Variants in TOR1AIP1 observed in about 807,000 individuals in gnomAD.
The protein encoded by TOR1AIP1 is torsin-1A-interacting protein 1.
In TOR1AIP1, 54 loss-of-function variants were observed where a neutral mutation model predicts 63.3. The observed-to-expected ratio is 0.85, with a 90% CI of 0.69 to 1.07. The LOEUF is 1.07. Ranked by LOEUF, TOR1AIP1 falls within the 50% of genes least tolerant of loss-of-function variation. The pLI is 0.00. For missense variants in TOR1AIP1, 736 were observed against 715.0 expected (o/e 1.03, Z -0.33); for synonymous variants, 294 against 273.5 (o/e 1.07, Z -0.74).
intron 6 of TOR1AIP1, among the ~76,000 whole-genome samples, chr1:179,906,728 TG>T (rs1309287179): frequency 8.1e-6 from 1 of 123,114 alleles, no homozygotes; most frequent in Non-Finnish European, 1.6e-5. Context: ...TTACCAATTT[TG>T]GTTCCCCCCC....
rs752847821 is a variant in TOR1AIP1, at chr1:179,917,712, A to C, written c.1225A>C (p.Ile409Leu). ...NSSHPRSQPA[I>L]LLLTAARDAE... Reference sequence around the variant, plus strand: ...CTCCCATCCTCGGTCTCAGCCTGCTATCTTACTGCTCACTGCTGCCCGAGA... The same window carrying C: ...CTCCCATCCTCGGTCTCAGCCTGCTCTCTTACTGCTCACTGCTGCCCGAGA... Residue 409 changes from isoleucine (I) to leucine (L), a missense_variant, in exon 10 of 10, where the codon ATC becomes CTC. Physicochemically the swap from Ile to Leu is conservative, Grantham distance 5 (BLOSUM62 2). This residue lies in a region of TOR1AIP1 where 272 missense variants were observed against 344.1 expected (regional missense o/e 0.79). Coordinates refer to ENST00000606911, the MANE Select transcript of TOR1AIP1 (RefSeq NM_015602.4). 3.7e-6 allele frequency: 6 copies of C among 1,614,118 alleles called. No individual in the cohort carries two copies. Among genetic ancestry groups the C allele is most frequent in the Non-Finnish European group, 4.2e-6 (5 of 1,180,050 alleles).
At chr1:179,903,445 C>T (rs144724236) in intron 5 of TOR1AIP1, among the ~76,000 whole-genome samples, 2 of 151,808 alleles carry the variant, frequency 1.3e-5, no homozygotes, top group African/African-American at 4.8e-5. Context: ...TGTATCATAA[C>T]AATTTTTTAA....
At chr1:179,889,272 T>A in intron 2 of TOR1AIP1, 41 bp from the exon 3 acceptor site, 1 of 1,475,162 alleles carries the variant, frequency 6.8e-7, no homozygotes, top group Non-Finnish European at 9.4e-7. Context: ...ATGTTTCACA[T>A]TTTATATATT....
Position 179,901,336 on chromosome 1 carries a change from C to T in TOR1AIP1, c.687C>T (p.His229=). The change falls in exon 5 of 10, where the codon CAC becomes CAT. Residue 229 remains histidine, a synonymous_variant. Transcript: ENST00000606911. ...AAGAAGATGATCAAGACAGCTCTCA[C>T]AGCAGTGTCACTACTGTTAAGGCCA... is the stretch of plus-strand genomic sequence containing the variant. ...ETEEDDQDSS[H]SSVTTVKARS... The T allele has an allele frequency of 6.2e-7, 1 of 1,611,184 alleles. No homozygotes were observed. The highest frequency in any genetic ancestry group is 2.2e-5 in the East Asian group (1 of 44,738).
chr1:179,900,301 G>A (rs1485072572), intron 4 of TOR1AIP1, 134 bp downstream of exon 4: 3 of 542,138 alleles, frequency 5.5e-6, no homozygotes, highest in East Asian at 3.6e-5. Context: ...TCAGCTACTC[G>A]GGAGGCTGAG....
chr1:179,883,062 C>T lies in TOR1AIP1; in HGVS notation c.475+85C>T, dbSNP rs527523876. On this transcript the variant is annotated intron_variant, in intron 1 of 9. Coordinates refer to ENST00000606911, the MANE Select transcript of TOR1AIP1 (RefSeq NM_015602.4). ...CGCGCCTCGGTGGAGCTCATGCCCGCCTGGGTACTAAGTACTGGGATTGGC... is the reference window on the plus strand; with the variant it reads ...CGCGCCTCGGTGGAGCTCATGCCCGTCTGGGTACTAAGTACTGGGATTGGC... 274 of 1,243,400 alleles carry T rather than the reference C, an allele frequency of 2.2e-4. 2 individuals are homozygous for T. The African/African-American group carries it at 3.5e-3, about 16-fold the overall frequency. The allele number at this position is 1,243,400 out of a possible 1,614,324, so 77.0% of individuals were successfully genotyped here.
Position 179,918,656 on chromosome 1 carries a change from A to AT in TOR1AIP1, c.*419dup, listed in dbSNP as rs924186221. 1 of 165,124 alleles carries AT rather than the reference A, an allele frequency of 6.1e-6. No homozygotes were observed. The highest frequency in any genetic ancestry group is 2.4e-5 in the African/African-American group (1 of 41,580). The allele number at this position is 165,124 out of a possible 1,614,324, so 10.2% of individuals were successfully genotyped here. A position where few individuals can be genotyped will look rare whatever the true frequency, so the allele number is the denominator to read the frequency against. On this transcript the variant is annotated 3_prime_UTR_variant, in exon 10 of 10. Transcript: ENST00000606911. The stretch of plus-strand genomic sequence containing the variant: ...CCTAAATGTAACCAGGGATTTTCCC[A>AT]TTATGTTCCCTTTTATACCATTTAG...
At chr1:179,896,250 A>G (rs182183598) in intron 3 of TOR1AIP1, among the ~76,000 whole-genome samples, 1 of 152,266 alleles carries the variant, frequency 6.6e-6, no homozygotes, top group East Asian at 1.9e-4. Flanking sequence ...TAATCATAAA[A>G]TCTATTTTAT....
chr1:179,894,592 A>C (rs1289947090), intron 3 of TOR1AIP1, among the ~76,000 whole-genome samples: 1 of 152,244 alleles, frequency 6.6e-6, no homozygotes, highest in East Asian at 1.9e-4. Flanking sequence ...GGAGGCAGGC[A>C]GGAGAATCGC....
At chr1:179,906,736 C>A (rs1558044584) in intron 6 of TOR1AIP1, among the ~76,000 whole-genome samples, 1 of 135,850 alleles carries the variant, frequency 7.4e-6, no homozygotes, top group Admixed American at 7.2e-5. Flanking sequence ...TTTGGTTCCC[C>A]CCCCCCCTTT....
chr1:179,905,175 G>A (rs944124546), intron 6 of TOR1AIP1, among the ~76,000 whole-genome samples: 3 of 152,054 alleles, frequency 2.0e-5, no homozygotes, highest in Non-Finnish European at 2.9e-5. Flanking sequence ...AAGAGACCGA[G>A]ACCATCCTGG....
intron 3 of TOR1AIP1, among the ~76,000 whole-genome samples, chr1:179,893,963 G>T (rs1409724779): frequency 1.3e-5 from 2 of 152,048 alleles, no homozygotes; most frequent in Non-Finnish European, 2.9e-5. Context: ...TATACTGATG[G>T]CAAGAATAAA....
At chr1:179,908,122 A>G (rs1262634826) in intron 7 of TOR1AIP1, among the ~76,000 whole-genome samples, 1 of 151,796 alleles carries the variant, frequency 6.6e-6, no homozygotes, top group Non-Finnish European at 1.5e-5. Context: ...GTTAGCCAGG[A>G]TGGTCTTGAT....
intron 2 of TOR1AIP1, among the ~76,000 whole-genome samples, chr1:179,886,677 A>G (rs1051975063): frequency 6.6e-6 from 1 of 152,218 alleles, no homozygotes; most frequent in South Asian, 2.1e-4. Flanking sequence ...GTTTACCAAT[A>G]TAAATGACAG....
intron 3 of TOR1AIP1, among the ~76,000 whole-genome samples, chr1:179,899,730 T>C (rs1466396483): frequency 6.6e-6 from 1 of 152,184 alleles, no homozygotes; most frequent in Non-Finnish European, 1.5e-5. Context: ...CTGCAACCTC[T>C]GCTTCCCAGG....
chr1:179,908,609 A>G lies in TOR1AIP1; in HGVS notation c.843A>G (p.Ser281=), dbSNP rs1230441765. 6.2e-7 allele frequency: 1 copy of G among 1,613,132 alleles called. No individual in the cohort carries two copies. The highest frequency in any genetic ancestry group is 1.1e-5 in the South Asian group (1 of 91,052). ...AHDKQPSVLS[S]GYQKTPQEWA... ...TGATATATGTATTTGCTTCAGGCTC[A>G]GGATATCAAAAAACTCCCCAGGAAT... The change falls in exon 8 of 10, where the codon TCA becomes TCG. Residue 281 remains serine (S), a synonymous_variant. Transcript: ENST00000606911.
chr1:179,903,895 A>G, intron 5 of TOR1AIP1, 71 bp from the exon 6 acceptor site: 1 of 1,057,836 alleles, frequency 9.5e-7, no homozygotes, highest in Non-Finnish European at 1.4e-6. Context: ...TTAATTTCTC[A>G]CTGTTGTCTT....
Position 179,882,713 on chromosome 1 carries a change from G to A in TOR1AIP1, c.211G>A (p.Glu71Lys). The A allele has an allele frequency of 6.2e-7, 1 of 1,613,358 alleles. No individual in the cohort carries two copies. Among genetic ancestry groups the A allele is most frequent in the Non-Finnish European group, 8.5e-7 (1 of 1,179,574 alleles). Residue 71 changes from glutamate (E) to lysine (K), a missense_variant, in exon 1 of 10, where the codon GAG (glutamate) becomes AAG (lysine). This residue lies in a region of TOR1AIP1 where 464 missense variants were observed against 371.0 expected (regional missense o/e 1.25). Coordinates refer to ENST00000606911, the MANE Select transcript of TOR1AIP1 (RefSeq NM_015602.4). ...DEPPEVYGDF[E>K]PLVAKERSPV... ...GCCGCCAGAAGTGTACGGCGACTTC[G>A]AGCCCCTGGTGGCCAAAGAAAGGTC...
Position 179,882,545 on chromosome 1 carries a change from T to TC in TOR1AIP1, c.43_44insC (p.Trp15SerfsTer95), listed in dbSNP as rs780094419. 1.9e-5 allele frequency: 29 copies of TC among 1,491,228 alleles called. No homozygotes were observed. The highest frequency in any genetic ancestry group is 2.6e-5 in the Non-Finnish European group (29 of 1,123,560). The allele number at this position is 1,491,228 out of a possible 1,614,324, so 92.4% of individuals were successfully genotyped here. On this transcript the variant is annotated frameshift_variant, in exon 1 of 10. Transcript: ENST00000606911. LOFTEE classifies it high-confidence loss of function. ...GCGGGCAGAGGCGGTGCGGGAAGGA[T>TC]GGGGTGTGTACGTCACCCCCAGGGC...
Sources: allele counts gnomAD v4.1 joint callset (sites outside exome capture counted in the v4.1 genomes callset), GRCh38; gene constraint gnomAD v4.1.1; regional missense constraint gnomAD v4.1.1; transcripts MANE v1.5; gene names NCBI Gene and HGNC (gene_info 2026-07-23, HGNC 2026-07-21).